The following ADGRE3 variants were observed in gnomAD, a reference collection of about 807,000 sequenced individuals.
ADGRE3 encodes the protein EGF-like module receptor 3.
A neutral mutation model predicts 80.1 loss-of-function variants in ADGRE3; 88 were observed. The ratio of observed to expected loss-of-function variants is 1.10; its 90% CI spans 0.93 to 1.31. The LOEUF (loss-of-function observed/expected upper bound fraction) is 1.31. Ranked by LOEUF, ADGRE3 falls within the 40% of genes most tolerant of loss-of-function variation. The pLI is 0.00. For synonymous variants in ADGRE3, 281 were observed against 294.8 expected, an observed-to-expected ratio of 0.95 and a Z score of 0.48; for missense variants, 715 against 776.5, an observed-to-expected ratio of 0.92 and a Z score of 0.94.
intron 5 of ADGRE3, among the ~76,000 whole-genome samples, chr19:14,655,380 T>C (rs528785478): frequency 6.6e-6 from 1 of 152,252 alleles, no homozygotes; most frequent in South Asian, 2.1e-4. Flanking sequence ...AGGGTTTTTC[T>C]GGAGGATTAA....
chr19:14,673,705 T>C (rs1972315630), intron 1 of ADGRE3, among the ~76,000 whole-genome samples: 1 of 152,202 alleles, frequency 6.6e-6, no homozygotes, highest in African/African-American at 2.4e-5. Context: ...AGGTGCATAG[T>C]GAGTTTTCAA....
At chr19:14,672,038 C>T (rs1449272608) in intron 1 of ADGRE3, among the ~76,000 whole-genome samples, 1 of 152,136 alleles carries the variant, frequency 6.6e-6, no homozygotes, top group African/African-American at 2.4e-5. Context: ...GCGTGAGGCA[C>T]TTTCTTCTTT....
In ADGRE3 at chr19:14,635,572, C is replaced by T. The variant is rs535197119; in HGVS notation, c.1485-2270G>A. On this transcript the variant is annotated intron_variant, in intron 11 of 15. Coordinates refer to ENST00000253673, the MANE Select transcript of ADGRE3 (RefSeq NM_032571.5). ...GATTACAGGCGCGCACCACCACGCCCGGCTAATTTTTTGTCTTTTTAGTAG... is the reference window on the plus strand; with the variant it reads ...GATTACAGGCGCGCACCACCACGCCTGGCTAATTTTTTGTCTTTTTAGTAG... Among the ~76,000 whole-genome samples, 23 of 151,854 alleles carry T rather than the reference C, an allele frequency of 1.5e-4. No homozygotes were observed. The South Asian group carries it at 2.3e-3, about 15-fold the overall frequency.
At position 14,622,159 on chromosome 19, in the gene ADGRE3, C is replaced by T. The variant is rs1381840365; in HGVS notation, c.1921-2688G>A. 11 of 1,045,964 alleles carry T rather than the reference C, an allele frequency of 1.1e-5. 3 individuals carry two copies. Among genetic ancestry groups the T allele is most frequent in the Admixed American group, 7.4e-5 (3 of 40,612 alleles). The allele number at this position is 1,045,964 out of a possible 1,614,324, so 64.8% of individuals were successfully genotyped here. ...TCTCACACGTTTGCCCTTGAAACTT[C>T]GGATCTGTACACTTACAGACACCAC... is the stretch of plus-strand genomic sequence containing the variant. On this transcript the variant is annotated intron_variant, in intron 15 of 15. Coordinates refer to ENST00000253673, the MANE Select transcript of ADGRE3 (RefSeq NM_032571.5).
chr19:14,629,323 T>A (rs1487814357), intron 14 of ADGRE3, among the ~76,000 whole-genome samples: 6 of 152,096 alleles, frequency 3.9e-5, no homozygotes, highest in Non-Finnish European at 8.8e-5. Flanking sequence ...GGAAAAAAAA[T>A]AATTCATGTG....
At chr19:14,625,400 C>T (rs533362515) in intron 15 of ADGRE3, 92 bp downstream of exon 15, 14 of 873,424 alleles carry the variant, frequency 1.6e-5, no homozygotes, top group Non-Finnish European at 2.4e-5. Flanking sequence ...AAAACAAAAA[C>T]AAACAAACAA....
chr19:14,647,460 AGG>A, intron 7 of ADGRE3, 95 bp from the exon 8 acceptor site: 1 of 1,003,468 alleles, frequency 1.0e-6, no homozygotes, highest in African/African-American at 1.9e-5. Flanking sequence ...TCGCCCAGCC[AGG>A]CTGGAGTGCA....
downstream of ADGRE3, among the ~76,000 whole-genome samples, chr19:14,617,358 C>CT (rs1159463560): frequency 1.2e-5 from 1 of 80,002 alleles, no homozygotes; most frequent in East Asian, 4.1e-4. Context: ...TTCTTTCTTT[C>CT]TTTCTTTCTT....
At chr19:14,617,789 T>A (rs938185329), downstream of ADGRE3, among the ~76,000 whole-genome samples, 1 of 152,126 alleles carries the variant, frequency 6.6e-6, no homozygotes, top group African/African-American at 2.4e-5. Flanking sequence ...TCTTTTGGCC[T>A]TTTTTCCTCA....
rs1173314767 is a variant in ADGRE3, at chr19:14,636,081, CCTTT to C, written c.1484+2020_1484+2023del. On this transcript the variant is annotated intron_variant, in intron 11 of 15. Transcript: ENST00000253673. ...CCTTCCTTTCCTTTCCTTTCCTTTCCCTTTCTTTCTTTCTTTCTTTCTTTCTTTC... is the reference window on the plus strand; with the variant it reads ...CCTTCCTTTCCTTTCCTTTCCTTTCCCTTTCTTTCTTTCTTTCTTTCTTTC... Among the ~76,000 whole-genome samples the C allele has an allele frequency of 4.1e-3, 101 of 24,672 alleles. 3 individuals carry two copies. The highest frequency in any genetic ancestry group is 8.9e-3 in the East Asian group (6 of 676). 16.2% of individuals were successfully genotyped at this position (24,672 alleles called of 152,430 possible).
chr19:14,634,871 A>T lies in ADGRE3; in HGVS notation c.1485-1569T>A, dbSNP rs542200220. ...TGTCTAAATTCCTCGGCTACAAGAA[A>T]ACCCACGCTTGCTAAACTCCATAAC... On this transcript the variant is annotated intron_variant, in intron 11 of 15. Transcript: ENST00000253673. Among the ~76,000 whole-genome samples the T allele has an allele frequency of 9.9e-5, 15 of 152,240 alleles. No homozygotes were observed. In the South Asian group the frequency reaches 2.9e-3, roughly 29 times the overall value.
rs1198149152 is a variant in ADGRE3 at position 14,635,558 on chromosome 19, C to T, written c.1485-2256G>A. ...TCCCAAATAGCTGAGATTACAGGCG[C>T]GCACCACCACGCCCGGCTAATTTTT... is the stretch of plus-strand genomic sequence containing the variant. On this transcript the variant is annotated intron_variant, in intron 11 of 15. Transcript: ENST00000253673. 8.6e-5 allele frequency among the ~76,000 whole-genome samples: 13 copies of T among 151,784 alleles called. No homozygotes were observed. The South Asian group carries it at 1.5e-3, about 17-fold the overall frequency.
downstream of ADGRE3, among the ~76,000 whole-genome samples, chr19:14,614,156 T>C (rs147129077): frequency 4.6e-5 from 7 of 152,310 alleles, no homozygotes; most frequent in Middle Eastern, 6.8e-3. Context: ...CCAGCTCCTG[T>C]ACTGTCCGCA....
At chr19:14,634,161 A>G (rs897309706) in intron 11 of ADGRE3, among the ~76,000 whole-genome samples, 1 of 152,186 alleles carries the variant, frequency 6.6e-6, no homozygotes, top group Non-Finnish European at 1.5e-5. Context: ...ATATTTCAAT[A>G]TATATATGAA....
chr19:14,645,476 T>G (rs776445154), intron 8 of ADGRE3, among the ~76,000 whole-genome samples: 24 of 152,006 alleles, frequency 1.6e-4, no homozygotes, highest in Non-Finnish European at 3.1e-4. Flanking sequence ...TTGTCCAACA[T>G]GGCCAGACAT....
At chr19:14,609,837 CCAAAACAAAA>C in the ADGRE3 span, among the ~76,000 whole-genome samples, 1 of 140,518 alleles carries the variant, frequency 7.1e-6, no homozygotes, top group Non-Finnish European at 1.5e-5. Context: ...GACTCTGTCT[CCAAAACAAAA>C]CAAAACAAAA....
intron 11 of ADGRE3, among the ~76,000 whole-genome samples, chr19:14,634,877 C>T (rs998512686): frequency 5.3e-5 from 8 of 152,050 alleles, no homozygotes; most frequent in East Asian, 1.9e-4. Context: ...AGAAAACCCA[C>T]GCTTGCTAAA....
intron 15 of ADGRE3, among the ~76,000 whole-genome samples, chr19:14,620,564 ATATATTTTTTTTTTTTTTTTTTT>A (rs1970568714): frequency 8.7e-5 from 3 of 34,350 alleles, no homozygotes; most frequent in Admixed American, 1.1e-3. Context: ...ATATATATAT[ATATATTTTTTTTTTTTTTTTTTT>A]TTTTTTTTTT....
chr19:14,616,730 T>A (rs184132887), downstream of ADGRE3, among the ~76,000 whole-genome samples: 25 of 151,622 alleles, frequency 1.6e-4, 1 homozygote, highest in East Asian at 4.5e-3. Flanking sequence ...ATTGCAGTGG[T>A]TGAACAGTGA....
Sources: gnomAD v4.1 joint callset for allele counts (sites outside exome capture counted in the v4.1 genomes callset) on GRCh38, gnomAD v4.1.1 for gene constraint, MANE v1.5 for transcripts, NCBI Gene and HGNC (gene_info 2026-07-23, HGNC 2026-07-21) for gene names.